DPP10: variants seen among roughly 807,000 people sequenced by gnomAD.
The protein encoded by DPP10 is dipeptidyl peptidase like 10.
Under a neutral mutation model 120.9 loss-of-function variants are expected in DPP10, and 33 were observed. That is an observed-to-expected ratio of 0.27 (90% CI 0.21 to 0.37). DPP10 has a LOEUF of 0.37. DPP10 is among the 10% of genes least tolerant of loss of function. The pLI is 1.00. For synonymous variants in DPP10, 337 were observed against 326.1 expected (o/e 1.03, Z -0.36); for missense variants, 816 against 942.8 (o/e 0.87, Z 1.76).
chr2:115,145,434 A>G (rs891352320), intron 1 of DPP10, among the ~76,000 whole-genome samples: 2 of 152,204 alleles, frequency 1.3e-5, no homozygotes, highest in Admixed American at 1.3e-4. Context: ...TCTTTTACTT[A>G]GTAATATGCA....
chr2:115,813,837 T>C (rs1053545956), intron 19 of DPP10, among the ~76,000 whole-genome samples: 2 of 152,180 alleles, frequency 1.3e-5, no homozygotes, highest in East Asian at 1.9e-4. Context: ...TTTGGTGTTT[T>C]TACCTTGAAG....
At chr2:115,362,804 G>A (rs972311039) in intron 3 of DPP10, among the ~76,000 whole-genome samples, 13 of 152,162 alleles carry the variant, frequency 8.5e-5, no homozygotes, top group Admixed American at 6.6e-5. Context: ...AATGGTGTCA[G>A]CTTTCACAGA....
intron 17 of DPP10, among the ~76,000 whole-genome samples, chr2:115,783,664 A>G (rs192431578): frequency 9.9e-5 from 15 of 152,266 alleles, no homozygotes; most frequent in Admixed American, 9.2e-4. Flanking sequence ...CTTCAGTGTA[A>G]ACCTTAAAAA....
chr2:114,842,669 T>C (rs769092656), intron 1 of DPP10, among the ~76,000 whole-genome samples: 3 of 152,148 alleles, frequency 2.0e-5, no homozygotes, highest in Non-Finnish European at 4.4e-5. Flanking sequence ...GTCTACATAG[T>C]TGAGAAGAAG....
chr2:115,283,162 C>T lies in DPP10; in HGVS notation c.61-26077C>T, dbSNP rs1023893771. Among the ~76,000 whole-genome samples, 6 of 152,080 alleles carry T rather than the reference C, an allele frequency of 3.9e-5. 1 individual carries two copies. The highest frequency in any genetic ancestry group is 4.4e-5 in the Non-Finnish European group (3 of 67,952). On this transcript the variant is annotated intron_variant, in intron 1 of 25. Transcript: ENST00000410059. The stretch of plus-strand genomic sequence containing the variant: ...GCCTATTTCCCAAGTGCAAAGACAG[C>T]GGGGCTTCCTGTGTCTTAGGGCTGC...
At chr2:115,586,507 G>A (rs2149150021) in intron 5 of DPP10, among the ~76,000 whole-genome samples, 1 of 152,150 alleles carries the variant, frequency 6.6e-6, no homozygotes, top group East Asian at 1.9e-4. Flanking sequence ...GTACAATTTT[G>A]TTGAAAAAAT....
intron 1 of DPP10, among the ~76,000 whole-genome samples, chr2:115,150,603 T>C (rs1223668947): frequency 6.6e-6 from 1 of 152,250 alleles, no homozygotes; most frequent in Non-Finnish European, 1.5e-5. Flanking sequence ...AGCTGTTATG[T>C]ACTCTTTCCT....
At chr2:115,224,703 GATAAT>G (rs1276667560) in intron 1 of DPP10, among the ~76,000 whole-genome samples, 2 of 152,228 alleles carry the variant, frequency 1.3e-5, no homozygotes, top group East Asian at 1.9e-4. Flanking sequence ...AATCATGTGA[GATAAT>G]ATAATTGTAA....
intron 1 of DPP10, among the ~76,000 whole-genome samples, chr2:114,446,145 G>A (rs772626653): frequency 3.6e-4 from 55 of 152,248 alleles, no homozygotes; most frequent in Non-Finnish European, 6.6e-4. Context: ...CCCCACCATG[G>A]GTAGCAAACT....
intron 1 of DPP10, among the ~76,000 whole-genome samples, chr2:114,934,355 T>G (rs912017081): frequency 8.5e-5 from 13 of 152,176 alleles, no homozygotes; most frequent in African/African-American, 3.1e-4. Context: ...GTATACTATA[T>G]TCTTACAAAA....
intron 1 of DPP10, among the ~76,000 whole-genome samples, chr2:115,182,435 A>G (rs1440300544): frequency 1.3e-5 from 2 of 152,240 alleles, no homozygotes; most frequent in Admixed American, 6.5e-5. Context: ...TTCACAGAAG[A>G]AAGCTTTTTC....
intron 1 of DPP10, among the ~76,000 whole-genome samples, chr2:114,551,708 T>G (rs1687900675): frequency 2.0e-5 from 3 of 152,192 alleles, no homozygotes; most frequent in African/African-American, 7.2e-5. Flanking sequence ...ACCCCTTTGC[T>G]TTACTCCTGA....
intron 1 of DPP10, among the ~76,000 whole-genome samples, chr2:115,103,940 T>G (rs192929113): frequency 6.6e-6 from 1 of 152,330 alleles, no homozygotes; most frequent in East Asian, 1.9e-4. Context: ...ATACTGTACC[T>G]AATGAGATAT....
intron 1 of DPP10, among the ~76,000 whole-genome samples, chr2:114,898,063 G>T (rs1693192461): frequency 6.6e-6 from 1 of 152,114 alleles, no homozygotes; most frequent in East Asian, 1.9e-4. Flanking sequence ...GTTTATTGAG[G>T]CACTATTCAC....
chr2:114,786,283 T>C (rs1445942079), intron 1 of DPP10, among the ~76,000 whole-genome samples: 3 of 152,220 alleles, frequency 2.0e-5, no homozygotes, highest in African/African-American at 7.2e-5. Context: ...TTTACCTTAA[T>C]GATTTGTGTT....
intron 1 of DPP10, among the ~76,000 whole-genome samples, chr2:115,141,294 C>T (rs1048960593): frequency 6.6e-6 from 1 of 152,108 alleles, no homozygotes; most frequent in African/African-American, 2.4e-5. Context: ...ACTCATAAAT[C>T]GGCAATTTAG....
intron 3 of DPP10, among the ~76,000 whole-genome samples, chr2:115,485,614 G>C (rs2075730746): frequency 6.6e-6 from 1 of 151,808 alleles, no homozygotes; most frequent in Non-Finnish European, 1.5e-5. Flanking sequence ...TATATACTTG[G>C]ATTACAGTGA....
Position 115,739,902 on chromosome 2 carries a change from C to T in DPP10, c.852+9C>T, listed in dbSNP as rs930671142. ...AGTATCCGTATCCTAAGGTAAGTAA[C>T]ATGGAAGTACTATTTTGTTCCTTCT... On this transcript the variant is annotated intron_variant, in intron 9 of 25. Transcript: ENST00000410059. 9 of 1,612,320 alleles carry T rather than the reference C, an allele frequency of 5.6e-6. No homozygotes were observed. In the Admixed American group the frequency reaches 6.7e-5, roughly 12 times the overall value.
At chr2:115,017,947 A>C (rs573278017) in intron 1 of DPP10, among the ~76,000 whole-genome samples, 2 of 152,228 alleles carry the variant, frequency 1.3e-5, no homozygotes, top group South Asian at 4.1e-4. Flanking sequence ...GCACATGTAT[A>C]CATATATAAC....
Sources: allele counts gnomAD v4.1 joint callset (sites outside exome capture counted in the v4.1 genomes callset), GRCh38; gene constraint gnomAD v4.1.1; transcripts MANE v1.5; gene names NCBI Gene and HGNC (gene_info 2026-07-23, HGNC 2026-07-21).